SANBR: variants seen among roughly 807,000 people sequenced by gnomAD.
SANBR encodes the protein SANT and BTB domain regulator of CSR.
SANBR carries 77 observed loss-of-function variants against 101.8 expected under a neutral mutation model. That is an observed-to-expected ratio of 0.76 (90% CI 0.63 to 0.91). The LOEUF is 0.91. Ranked by LOEUF, SANBR falls within the 40% of genes least tolerant of loss-of-function variation. SANBR has a pLI of 0.00. For missense variants in SANBR, 875 were observed against 853.0 expected, an observed-to-expected ratio of 1.03 and a Z score of -0.32; for synonymous variants, 279 against 274.7, an observed-to-expected ratio of 1.02 and a Z score of -0.15.
At chr2:61,104,461 GACAGAGCAAAAAAA>G (rs1683451683) in intron 13 of SANBR, among the ~76,000 whole-genome samples, 1 of 142,492 alleles carries the variant, frequency 7.0e-6, no homozygotes, top group African/African-American at 2.7e-5. Context: ...CAGCCTGGGT[GACAGAGCAAAAAAA>G]AAAGAGCAAA....
rs889910420 is a variant in SANBR, at chr2:61,083,370, C to G, written c.890+56C>G. ...TACTCCTGTTAAAAGAAATATATTTCTATTTCATGTGAGTGAAATATTCTT... is the reference window on the plus strand; with the variant it reads ...TACTCCTGTTAAAAGAAATATATTTGTATTTCATGTGAGTGAAATATTCTT... On this transcript the variant is annotated intron_variant, in intron 8 of 21. Transcript: ENST00000402291. 120 of 1,046,776 alleles carry G rather than the reference C, an allele frequency of 1.1e-4. No individual in the cohort carries two copies. The African/African-American group carries it at 1.4e-3, about 13-fold the overall frequency. 64.8% of individuals were successfully genotyped at this position (1,046,776 alleles called of 1,614,324 possible).
chr2:61,116,871 G>T (rs1684100456), intron 17 of SANBR, among the ~76,000 whole-genome samples: 1 of 151,778 alleles, frequency 6.6e-6, no homozygotes, highest in Non-Finnish European at 1.5e-5. Context: ...TGGGCAACAT[G>T]GCAAAACCCC....
At chr2:61,088,917 C>T in intron 10 of SANBR, 1 of 910,754 alleles carries the variant, frequency 1.1e-6, no homozygotes, top group South Asian at 5.1e-5. Context: ...ATCCAACTTT[C>T]ATTTAGAAAA....
chr2:61,136,578 G>A (rs1016496745), intron 21 of SANBR, among the ~76,000 whole-genome samples: 4 of 150,238 alleles, frequency 2.7e-5, no homozygotes, highest in Admixed American at 1.3e-4. Flanking sequence ...GCAGTGAGCC[G>A]AGATGGTGCC....
Position 61,070,506 on chromosome 2 carries a change from T to C in SANBR, c.150+6T>C, listed in dbSNP as rs772602172. On this transcript the variant is annotated splice_donor_region_variant and intron_variant, in intron 3 of 21. Coordinates refer to ENST00000402291, the MANE Select transcript of SANBR (RefSeq NM_001129993.3). ...CTGGATTAACACCAAAAGAGGTAAA[T>C]AACAGTCCCCCCAGAATATCTCCTG... 8 of 1,603,210 alleles carry C rather than the reference T, an allele frequency of 5.0e-6. No homozygotes were observed. The African/African-American group carries it at 1.1e-4, about 22-fold the overall frequency.
rs1307399498 is a variant in SANBR, at chr2:61,117,395, G to A, written c.1865+10G>A. 6.2e-7 allele frequency: 1 copy of A among 1,613,390 alleles called. No homozygotes were observed. ...ATGTGTCTCCTTTCGTGTGAGTATTGCTCCTTAATCCAATCGGATATCCAC... is the reference window on the plus strand; with the variant it reads ...ATGTGTCTCCTTTCGTGTGAGTATTACTCCTTAATCCAATCGGATATCCAC... On this transcript the variant is annotated intron_variant, in intron 18 of 21. Coordinates refer to ENST00000402291, the MANE Select transcript of SANBR (RefSeq NM_001129993.3).
At chr2:61,101,628 G>A (rs1683289387) in intron 12 of SANBR, among the ~76,000 whole-genome samples, 2 of 152,068 alleles carry the variant, frequency 1.3e-5, no homozygotes, top group South Asian at 4.1e-4. Context: ...AGCTACTCGG[G>A]AGGCTGAGGC....
At position 61,121,117 on chromosome 2, in the gene SANBR, C is replaced by T. The variant is rs774910138; in HGVS notation, c.2029-68C>T. The T allele has an allele frequency of 3.9e-4, 417 of 1,065,298 alleles. 1 individual carries two copies. The highest frequency in any genetic ancestry group is 9.0e-4 in the South Asian group (60 of 66,348). 66.0% of individuals were successfully genotyped at this position (1,065,298 alleles called of 1,614,324 possible). On this transcript the variant is annotated intron_variant, in intron 20 of 21. Coordinates refer to ENST00000402291, the MANE Select transcript of SANBR (RefSeq NM_001129993.3). ...AATTACTTCTAAATTAAAAAGTAATCCCATTTTAATAAAGCAGAGCTTCTA... is the reference window on the plus strand; with the variant it reads ...AATTACTTCTAAATTAAAAAGTAATTCCATTTTAATAAAGCAGAGCTTCTA...
intron 10 of SANBR, among the ~76,000 whole-genome samples, chr2:61,092,212 C>G (rs1031594970): frequency 6.6e-6 from 1 of 152,144 alleles, no homozygotes; most frequent in African/African-American, 2.4e-5. Context: ...TATACAAACC[C>G]TGCCTCTACT....
At chr2:61,084,388 A>C (rs1682310896) in intron 8 of SANBR, among the ~76,000 whole-genome samples, 1 of 152,226 alleles carries the variant, frequency 6.6e-6, no homozygotes, top group Admixed American at 6.5e-5. Flanking sequence ...TATAATGGCC[A>C]TATGAACATA....
intron 4 of SANBR, among the ~76,000 whole-genome samples, chr2:61,072,351 C>T (rs1238055277): frequency 1.3e-5 from 2 of 152,052 alleles, no homozygotes; most frequent in Non-Finnish European, 2.9e-5. Context: ...GTGGAAGGAT[C>T]ACTTGAGGCC....
At chr2:61,109,605 C>G (rs1005812656) in intron 16 of SANBR, among the ~76,000 whole-genome samples, 2 of 150,188 alleles carry the variant, frequency 1.3e-5, no homozygotes, top group African/African-American at 4.9e-5. Flanking sequence ...TGGAGTGATA[C>G]TCAAATGAAC....
At chr2:61,134,741 A>G (rs1684793894) in intron 21 of SANBR, among the ~76,000 whole-genome samples, 1 of 152,058 alleles carries the variant, frequency 6.6e-6, no homozygotes, top group Non-Finnish European at 1.5e-5. Context: ...AAAATACAAA[A>G]ATTAGCTGGT....
chr2:61,085,355 G>C (rs1027085782), intron 8 of SANBR, among the ~76,000 whole-genome samples: 2 of 151,874 alleles, frequency 1.3e-5, no homozygotes, highest in African/African-American at 4.8e-5. Context: ...TCCCCAAATA[G>C]ATATCTAGTT....
intron 11 of SANBR, among the ~76,000 whole-genome samples, chr2:61,095,485 CT>C (rs1682987700): frequency 6.6e-6 from 1 of 152,130 alleles, no homozygotes; most frequent in South Asian, 2.1e-4. Context: ...ATAAACTATT[CT>C]TTAATGCATT....
At chr2:61,104,138 A>G in intron 13 of SANBR, 140 bp downstream of exon 13, 5 of 711,294 alleles carry the variant, frequency 7.0e-6, no homozygotes, top group Non-Finnish European at 1.2e-5. Context: ...ATTATATGTT[A>G]GCTTACAGTA....
In SANBR at chr2:61,109,230, T is replaced by C; in HGVS notation, c.1678T>C (p.Tyr560His). ...QQSLFSEEEE[Y>H]TTGSEVTEDE... ...GTCACTGTTTTCAGAAGAAGAAGAA[T>C]ATACCACTGGATCTGAGGTCACTGA... is the stretch of plus-strand genomic sequence containing the variant. The change falls in exon 16 of 22, where the codon TAT (tyrosine) becomes CAT (histidine). Residue 560 changes from tyrosine (Y) to histidine (H), a missense_variant. Tyr to His is a moderately conservative substitution (Grantham distance 83, BLOSUM62 2). Transcript: ENST00000402291. 6.4e-7 allele frequency: 1 copy of C among 1,559,770 alleles called. No individual in the cohort carries two copies. The highest frequency in any genetic ancestry group is 8.7e-7 in the Non-Finnish European group (1 of 1,150,532).
chr2:61,113,839 A>G (rs143365310), intron 16 of SANBR, among the ~76,000 whole-genome samples: 284 of 152,340 alleles, frequency 1.9e-3, no homozygotes, highest in African/African-American at 6.5e-3. Context: ...GAAAACATCC[A>G]GTCTTTAATC....
chr2:61,115,708 T>C (rs1416601193), intron 16 of SANBR: 1 of 220,136 alleles, frequency 4.5e-6, no homozygotes, highest in African/African-American at 2.3e-5. Context: ...GCCGAGATCA[T>C]GCCACTGCAC....
Sources: gnomAD v4.1 joint callset for allele counts (sites outside exome capture counted in the v4.1 genomes callset) on GRCh38, gnomAD v4.1.1 for gene constraint, MANE v1.5 for transcripts, NCBI Gene and HGNC (gene_info 2026-07-23, HGNC 2026-07-21) for gene names.